The following PDE4D variants were observed in gnomAD, a reference collection of about 807,000 sequenced individuals.
PDE4D encodes 3',5'-cyclic-AMP phosphodiesterase 4D.
PDE4D carries 24 observed loss-of-function variants against 87.4 expected under a neutral mutation model. The observed-to-expected ratio is 0.27, with a 90% CI of 0.20 to 0.39. The LOEUF is 0.39. PDE4D is among the 10% of genes least tolerant of loss of function. The probability of loss-of-function intolerance (pLI) is 1.00; values close to 1 mark genes in which losing one functional copy is unlikely to be tolerated. For missense variants in PDE4D, 714 were observed against 1,041.0 expected, an observed-to-expected ratio of 0.69 and a Z score of 4.32; for synonymous variants, 384 against 383.2, an observed-to-expected ratio of 1.00 and a Z score of -0.02.
At chr5:59,101,979 A>G (rs1325151197) in intron 5 of PDE4D, among the ~76,000 whole-genome samples, 1 of 151,738 alleles carries the variant, frequency 6.6e-6, no homozygotes, top group Non-Finnish European at 1.5e-5. Context: ...GTGCCCATCG[A>G]GTTGAGCTAC....
At chr5:60,386,769 T>C (rs990672225) in intron 1 of PDE4D, among the ~76,000 whole-genome samples, 12 of 152,246 alleles carry the variant, frequency 7.9e-5, no homozygotes, top group South Asian at 4.1e-4. Flanking sequence ...AGTAATGAAC[T>C]GTATATCTAA....
chr5:58,983,669 C>G (rs1309782803), intron 11 of PDE4D, among the ~76,000 whole-genome samples: 1 of 152,226 alleles, frequency 6.6e-6, no homozygotes, highest in Non-Finnish European at 1.5e-5. Flanking sequence ...AACAACATTC[C>G]TATCTGCCAC....
rs542261246 is a variant in PDE4D, at chr5:59,762,169, T to C, written c.455+130999A>G. ...ATATGTGTGTGTGTGTATATATAGG[T>C]ACACAGGTATATATATGTATATGGG... On this transcript the variant is annotated intron_variant, in intron 1 of 14. Transcript: ENST00000340635. Among the ~76,000 whole-genome samples the C allele has an allele frequency of 1.3e-4, 20 of 151,976 alleles. No homozygotes were observed. In the East Asian group the frequency reaches 3.9e-3, roughly 29 times the overall value.
At chr5:60,497,322 T>G (rs1471064204) in intron 1 of PDE4D, among the ~76,000 whole-genome samples, 1 of 107,552 alleles carries the variant, frequency 9.3e-6, no homozygotes, top group South Asian at 3.7e-4. Flanking sequence ...ATAATCACAA[T>G]GCTAATTGGG....
At chr5:59,116,035 T>G (rs1773553542) in intron 5 of PDE4D, among the ~76,000 whole-genome samples, 1 of 152,200 alleles carries the variant, frequency 6.6e-6, no homozygotes, top group Non-Finnish European at 1.5e-5. Flanking sequence ...AGTCGATGAA[T>G]TAGCGTTTGC....
At chr5:60,222,987 T>C (rs1744669270) in intron 1 of PDE4D, among the ~76,000 whole-genome samples, 1 of 152,172 alleles carries the variant, frequency 6.6e-6, no homozygotes, top group African/African-American at 2.4e-5. Flanking sequence ...TAGATATTTA[T>C]AATGAGATGT....
At chr5:59,386,405 G>T (rs1787001887) in intron 1 of PDE4D, among the ~76,000 whole-genome samples, 1 of 152,064 alleles carries the variant, frequency 6.6e-6, no homozygotes, top group Admixed American at 6.6e-5. Context: ...TGACTTCTAA[G>T]AGCTTTAAAT....
intron 1 of PDE4D, among the ~76,000 whole-genome samples, chr5:59,335,069 C>T (rs1211085250): frequency 6.6e-6 from 1 of 152,114 alleles, no homozygotes; most frequent in Non-Finnish European, 1.5e-5. Context: ...GGGATCTTTA[C>T]TTCTTCAATG....
intron 1 of PDE4D, among the ~76,000 whole-genome samples, chr5:59,633,072 C>A (rs534266225): frequency 6.6e-6 from 1 of 151,936 alleles, no homozygotes; most frequent in Non-Finnish European, 1.5e-5. Context: ...AAACACAGCA[C>A]GAGAACATCG....
chr5:59,733,058 A>G (rs79162970), intron 1 of PDE4D, among the ~76,000 whole-genome samples: 26,395 of 152,094 alleles, frequency 0.17, 3,025 homozygotes, highest in South Asian at 0.26. Context: ...TGAATAAGAC[A>G]CTGTCCTTGT....
chr5:59,245,141 C>A (rs980127740), intron 1 of PDE4D, among the ~76,000 whole-genome samples: 3 of 152,050 alleles, frequency 2.0e-5, no homozygotes, highest in Admixed American at 6.6e-5. Context: ...CAGGCCTCAC[C>A]AATGTTCCCA....
intron 5 of PDE4D, among the ~76,000 whole-genome samples, chr5:59,073,635 C>T (rs1765235961): frequency 6.6e-6 from 1 of 152,036 alleles, no homozygotes; most frequent in Non-Finnish European, 1.5e-5. Context: ...AGAATTTGTT[C>T]AGGTGTCAGG....
chr5:59,211,421 G>A (rs1442339330), intron 2 of PDE4D, among the ~76,000 whole-genome samples: 2 of 151,878 alleles, frequency 1.3e-5, no homozygotes, highest in Non-Finnish European at 2.9e-5. Flanking sequence ...GTACCTCCTT[G>A]AGCTTTTATT....
At chr5:59,727,201 C>T (rs924007254) in intron 1 of PDE4D, among the ~76,000 whole-genome samples, 4 of 152,090 alleles carry the variant, frequency 2.6e-5, no homozygotes, top group Non-Finnish European at 4.4e-5. Context: ...ACTAATTTAG[C>T]AGGCATCTAA....
At chr5:59,484,126 A>G (rs1804713436) in intron 1 of PDE4D, among the ~76,000 whole-genome samples, 1 of 152,138 alleles carries the variant, frequency 6.6e-6, no homozygotes, top group South Asian at 2.1e-4. Context: ...ATCATCAACT[A>G]CTGAGAATCC....
chr5:59,197,068 T>C (rs1460073366), intron 2 of PDE4D, among the ~76,000 whole-genome samples: 1 of 152,184 alleles, frequency 6.6e-6, no homozygotes, highest in Non-Finnish European at 1.5e-5. Context: ...ACTATAAAGT[T>C]TATTTTTTTC....
At chr5:59,246,619 G>A (rs773759438) in intron 1 of PDE4D, among the ~76,000 whole-genome samples, 3 of 152,104 alleles carry the variant, frequency 2.0e-5, no homozygotes, top group Non-Finnish European at 4.4e-5. Flanking sequence ...CAACTATGAT[G>A]ACTAATAGTT....
At chr5:59,936,246 G>A (rs569047379) in intron 3 of PDE4D, among the ~76,000 whole-genome samples, 3 of 152,106 alleles carry the variant, frequency 2.0e-5, no homozygotes, top group Non-Finnish European at 4.4e-5. Flanking sequence ...AGCATTAGGA[G>A]ATATACCTAA....
rs181011606 is a variant in PDE4D at position 59,878,556 on chromosome 5, G to A, written c.455+14612C>T. Among the ~76,000 whole-genome samples the A allele has an allele frequency of 3.2e-3, 494 of 152,076 alleles. 3 individuals carry two copies. Among genetic ancestry groups the A allele is most frequent in the African/African-American group, 0.011 (446 of 41,484 alleles). ...TTGAACTCCTGGGCTCAAGCAATTC[G>A]CCCACCTCGGCCTCCCAAAGTGCTG... On this transcript the variant is annotated intron_variant, in intron 1 of 14. Coordinates refer to ENST00000340635, the MANE Select transcript of PDE4D (RefSeq NM_001104631.2).
Sources: gnomAD v4.1 joint callset for allele counts (sites outside exome capture counted in the v4.1 genomes callset) on GRCh38, gnomAD v4.1.1 for gene constraint, MANE v1.5 for transcripts, NCBI Gene and HGNC (gene_info 2026-07-23, HGNC 2026-07-21) for gene names.